CAPS2: variants seen among roughly 807,000 people sequenced by gnomAD.
CAPS2 encodes calcyphosine 2, also known as calcyphosin-2.
CAPS2 carries 98 observed loss-of-function variants against 86.5 expected under a neutral mutation model. The ratio of observed to expected loss-of-function variants is 1.13; its 90% CI spans 0.96 to 1.34. The LOEUF (loss-of-function observed/expected upper bound fraction) is 1.34, where lower values mean the gene tolerates loss of function less well. Among genes scored for constraint, CAPS2 ranks in the 40% most tolerant of loss-of-function variants. The pLI, the probability that CAPS2 is intolerant of heterozygous loss-of-function variation, is 0.00. For missense variants in CAPS2, 729 were observed against 686.8 expected, an observed-to-expected ratio of 1.06 and a Z score of -0.69; for synonymous variants, 210 against 225.1, an observed-to-expected ratio of 0.93 and a Z score of 0.60.
chr12:75,326,679 A>G (rs1188435006), upstream of CAPS2, among the ~76,000 whole-genome samples: 1 of 152,224 alleles, frequency 6.6e-6, no homozygotes, highest in Non-Finnish European at 1.5e-5. Context: ...TAGGGCAATT[A>G]CATTATGACC....
At chr12:75,343,875 T>C (rs934965239) in intron 1 of CAPS2, 1 of 1,612,234 alleles carries the variant, frequency 6.2e-7, no homozygotes, top group Non-Finnish European at 8.5e-7. Context: ...CTTGGTATAA[T>C]GAAACCCAAT....
chr12:75,336,107 G>A (rs149994108), intron 1 of CAPS2, among the ~76,000 whole-genome samples: 1,636 of 152,032 alleles, frequency 0.011, 20 homozygotes, highest in African/African-American at 0.032. Flanking sequence ...TTATTCTGCT[G>A]AAAGTTCCTT....
chr12:75,376,774 G>T (rs1351607704), intron 1 of CAPS2, among the ~76,000 whole-genome samples: 1 of 152,136 alleles, frequency 6.6e-6, no homozygotes, highest in Non-Finnish European at 1.5e-5. Context: ...GGCTGAGCGT[G>T]CACCTTTCAT....
chr12:75,334,398 C>A, upstream of CAPS2: 1 of 932,004 alleles, frequency 1.1e-6, no homozygotes, highest in Non-Finnish European at 1.3e-6. Context: ...ACTTGTGTGG[C>A]TTGCATATTG....
At chr12:75,383,398 CT>C (rs2045109926) in intron 1 of CAPS2, among the ~76,000 whole-genome samples, 1 of 152,114 alleles carries the variant, frequency 6.6e-6, no homozygotes, top group Non-Finnish European at 1.5e-5. Context: ...TTAATTTTGG[CT>C]GCAGCCAACT....
chr12:75,276,093 C>T (rs2032884937), downstream of CAPS2: 3 of 1,072,936 alleles, frequency 2.8e-6, no homozygotes, highest in African/African-American at 5.0e-5. Context: ...AGCCTCTTCT[C>T]ATGATCAGAA....
chr12:75,329,553 C>T (rs548568690), upstream of CAPS2, among the ~76,000 whole-genome samples: 8 of 150,832 alleles, frequency 5.3e-5, no homozygotes, highest in African/African-American at 2.0e-4. Context: ...ATATTACTGG[C>T]TATTATGTTA....
chr12:75,285,992 A>G (rs1044911570), intron 14 of CAPS2, among the ~76,000 whole-genome samples: 2 of 152,050 alleles, frequency 1.3e-5, no homozygotes, highest in African/African-American at 4.8e-5. Flanking sequence ...CATCAAATGC[A>G]CTATTTAATA....
At chr12:75,346,995 AC>A (rs2042496263) in intron 1 of CAPS2, among the ~76,000 whole-genome samples, 4 of 151,744 alleles carry the variant, frequency 2.6e-5, no homozygotes, top group African/African-American at 9.7e-5. Flanking sequence ...AATGTTCCTC[AC>A]CTCTTTACCT....
At chr12:75,369,806 A>G (rs2044239071) in intron 1 of CAPS2, 1 of 981,272 alleles carries the variant, frequency 1.0e-6, no homozygotes, top group Non-Finnish European at 1.2e-6. Context: ...AGTTTTAAGT[A>G]CTGTAGGATT....
intron 1 of CAPS2, among the ~76,000 whole-genome samples, chr12:75,374,604 CA>C (rs2044552510): frequency 6.6e-6 from 1 of 152,126 alleles, no homozygotes; most frequent in South Asian, 2.1e-4. Context: ...ATTATGTTAT[CA>C]ATGTAAGGGG....
upstream of CAPS2, chr12:75,334,444 TAC>T (rs2041564792): frequency 8.2e-7 from 1 of 1,224,636 alleles, no homozygotes; most frequent in African/African-American, 1.5e-5. Flanking sequence ...CTCTGCAGAT[TAC>T]AGATTGGATC....
intron 5 of CAPS2, among the ~76,000 whole-genome samples, chr12:75,316,952 C>A (rs1335482908): frequency 6.6e-6 from 1 of 152,022 alleles, no homozygotes; most frequent in African/African-American, 2.4e-5. Flanking sequence ...GTTTACGCTA[C>A]CCCAGCAAAA....
chr12:75,321,574 A>T lies in CAPS2; in HGVS notation c.294T>A (p.Asp98Glu), dbSNP rs558981686. 9.2e-5 allele frequency: 141 copies of T among 1,533,640 alleles called. 1 individual carries two copies. The South Asian group carries it at 1.6e-3, about 18-fold the overall frequency. The change falls in exon 5 of 17, where the codon GAT becomes GAA. Residue 98 changes from aspartate (D) to glutamate (E), a missense_variant and splice_region_variant. Asp to Glu is a conservative substitution (Grantham distance 45). Coordinates refer to ENST00000393284, the Ensembl canonical transcript of CAPS2. ...GCAAATTTTCAGGTATTATGTTCTG[A>T]TCCTATAGGTAAAAAGAAAAAAGCA...
chr12:75,318,151 G>C (rs1479671382), intron 5 of CAPS2: 1 of 151,900 alleles, frequency 6.6e-6, no homozygotes, highest in Admixed American at 6.6e-5. Flanking sequence ...AGTCATTCTC[G>C]GTCTTCCCTT....
At chr12:75,340,738 A>G (rs2042046994) in intron 1 of CAPS2, among the ~76,000 whole-genome samples, 1 of 151,886 alleles carries the variant, frequency 6.6e-6, no homozygotes, top group African/African-American at 2.4e-5. Context: ...ACAGTAAAAA[A>G]AAAAAAGAAA....
chr12:75,329,102 G>A (rs906129361), upstream of CAPS2, among the ~76,000 whole-genome samples: 1 of 152,184 alleles, frequency 6.6e-6, no homozygotes, highest in Non-Finnish European at 1.5e-5. Flanking sequence ...TTGCAGACCC[G>A]AATTCACACG....
chr12:75,303,799 G>A (rs1425968484), intron 8 of CAPS2, among the ~76,000 whole-genome samples: 2 of 152,164 alleles, frequency 1.3e-5, no homozygotes, highest in Admixed American at 6.5e-5. Flanking sequence ...TAGATTCAAC[G>A]CACTCACACA....
intron 11 of CAPS2, among the ~76,000 whole-genome samples, chr12:75,295,689 G>C (rs1341442969): frequency 6.6e-6 from 1 of 152,108 alleles, no homozygotes; most frequent in African/African-American, 2.4e-5. Flanking sequence ...TTACCTTCAA[G>C]GGTAGTTATA....
Sources: allele counts gnomAD v4.1 joint callset (sites outside exome capture counted in the v4.1 genomes callset), GRCh38; gene constraint gnomAD v4.1.1; transcripts MANE v1.5; gene names NCBI Gene and HGNC (gene_info 2026-07-23, HGNC 2026-07-21).